FCHSD2: variants seen among roughly 807,000 people sequenced by gnomAD.
FCHSD2 encodes the protein FCH and double SH3 domains 2, also known as F-BAR and double SH3 domains protein 2.
A neutral mutation model predicts 108.1 loss-of-function variants in FCHSD2; 38 were observed. The observed-to-expected ratio is 0.35, with a 90% CI of 0.27 to 0.46. FCHSD2 has a LOEUF of 0.46. Ranked by LOEUF, FCHSD2 falls within the 20% of genes least tolerant of loss-of-function variation. The pLI, the probability that FCHSD2 is intolerant of heterozygous loss-of-function variation, is 1.00. For missense variants in FCHSD2, 751 were observed against 897.8 expected, an observed-to-expected ratio of 0.84 and a Z score of 2.09; for synonymous variants, 279 against 314.7, an observed-to-expected ratio of 0.89 and a Z score of 1.20.
chr11:72,958,617 T>C (rs955044939), intron 8 of FCHSD2, among the ~76,000 whole-genome samples: 4 of 152,204 alleles, frequency 2.6e-5, no homozygotes, highest in African/African-American at 9.7e-5. Flanking sequence ...TTCAATATTT[T>C]CCTATACTGA....
chr11:72,838,489 CTT>C lies in FCHSD2; in HGVS notation c.*300_*301del. 9.3e-6 allele frequency: 4 copies of C among 432,206 alleles called. No homozygotes were observed. Among genetic ancestry groups the C allele is most frequent in the Non-Finnish European group, 1.7e-5 (4 of 233,480 alleles). The allele number at this position is 432,206 out of a possible 1,614,324, so 26.8% of individuals were successfully genotyped here. ...ACTGTGCCCTGGAATGAGGCCTGTT[CTT>C]GAGTCTCATATAAAAACAGACCACT... On this transcript the variant is annotated 3_prime_UTR_variant, in exon 20 of 20. Transcript: ENST00000409418.
chr11:72,980,489 T>C lies in FCHSD2; in HGVS notation c.705+3599A>G, dbSNP rs1857191402. ...ATTATTTAAATAATGAGCTATGAAC[T>C]TTAACGAGGATAACAAAGAAAATGA... On this transcript the variant is annotated intron_variant, in intron 8 of 19. Transcript: ENST00000409418. Among the ~76,000 whole-genome samples the C allele has an allele frequency of 1.3e-5, 2 of 151,942 alleles. 1 individual carries two copies. The highest frequency in any genetic ancestry group is 4.2e-4 in the South Asian group (2 of 4,812).
chr11:72,969,809 TTAAG>T (rs1454973990), intron 8 of FCHSD2, among the ~76,000 whole-genome samples: 3 of 152,312 alleles, frequency 2.0e-5, no homozygotes, highest in Non-Finnish European at 4.4e-5. Context: ...ATTCTTAGGC[TTAAG>T]TGATTTATTG....
chr11:73,092,076 G>A (rs545160649), intron 2 of FCHSD2, among the ~76,000 whole-genome samples: 1 of 152,208 alleles, frequency 6.6e-6, no homozygotes, highest in South Asian at 2.1e-4. Flanking sequence ...TCTCATCTGA[G>A]AAGCCTTCCT....
chr11:73,013,701 A>T (rs933547332), intron 4 of FCHSD2, among the ~76,000 whole-genome samples: 16 of 152,218 alleles, frequency 1.1e-4, no homozygotes, highest in Admixed American at 9.8e-4. Context: ...TCTGCCACAT[A>T]GTAAATATTT....
chr11:73,028,667 G>A (rs925418720), intron 3 of FCHSD2, among the ~76,000 whole-genome samples: 15 of 152,170 alleles, frequency 9.9e-5, no homozygotes, highest in African/African-American at 3.6e-4. Flanking sequence ...GAATGATATG[G>A]TTTGGCTCTG....
rs145346308 is a variant in FCHSD2, at chr11:73,097,671, ATTTCTATTTT to A, written c.120-13941_120-13932del. 8.2e-4 allele frequency among the ~76,000 whole-genome samples: 115 copies of A among 140,468 alleles called. 4 individuals carry two copies. In the East Asian group the frequency reaches 0.024, roughly 29 times the overall value. 92.2% of individuals were successfully genotyped at this position (140,468 alleles called of 152,430 possible). A position where few individuals can be genotyped will look rare whatever the true frequency, so the allele number is the denominator to read the frequency against. ...TCAATCCCTTCACTTGTTATTGAGA[ATTTCTATTTT>A]TTTCTGTAATCAGTTTTAGTAATTT... On this transcript the variant is annotated intron_variant, in intron 2 of 19. Coordinates refer to ENST00000409418, the MANE Select transcript of FCHSD2 (RefSeq NM_014824.3).
intron 2 of FCHSD2, among the ~76,000 whole-genome samples, chr11:73,132,824 G>GGA (rs367632709): frequency 9.9e-5 from 11 of 110,952 alleles, no homozygotes; most frequent in Admixed American, 2.0e-4. Flanking sequence ...AACGGTAACA[G>GGA]AAAAAAAAAA....
At chr11:72,971,063 AC>A (rs1387019283) in intron 8 of FCHSD2, among the ~76,000 whole-genome samples, 5 of 151,712 alleles carry the variant, frequency 3.3e-5, no homozygotes, top group African/African-American at 4.8e-5. Context: ...ATCCCTACTG[AC>A]CCCCCTGCCC....
chr11:73,005,981 T>C (rs966302790), intron 4 of FCHSD2, among the ~76,000 whole-genome samples: 17 of 151,414 alleles, frequency 1.1e-4, no homozygotes, highest in African/African-American at 4.1e-4. Context: ...GATCACAGCT[T>C]ACTACAGCCT....
chr11:73,132,787 T>G (rs1861032360), intron 2 of FCHSD2, among the ~76,000 whole-genome samples: 1 of 139,450 alleles, frequency 7.2e-6, no homozygotes, highest in African/African-American at 2.7e-5. Flanking sequence ...CCATGCCCCC[T>G]GCACTCCAGT....
intron 4 of FCHSD2, among the ~76,000 whole-genome samples, chr11:73,006,636 G>GCA (rs1398667199): frequency 3.9e-5 from 6 of 152,206 alleles, no homozygotes; most frequent in Non-Finnish European, 7.3e-5. Flanking sequence ...CCTGTGCTCT[G>GCA]CACATTACAG....
At position 72,867,892 on chromosome 11, in the gene FCHSD2, T is replaced by C. The variant is rs373901992; in HGVS notation, c.1281A>G (p.Ala427=). ...LENERWARPP[A]VTSNGTLHSL... is the part of the protein sequence containing the mutation. ...AGTGTAAAGTGCCATTACTGGTCAC[T>C]GCAGGAGGGCGGGCCCATCGCTCAT... The change falls in exon 13 of 20, where the codon GCA becomes GCG. Residue 427 remains alanine, a synonymous_variant. Coordinates refer to ENST00000409418, the MANE Select transcript of FCHSD2 (RefSeq NM_014824.3). The C allele has an allele frequency of 4.0e-5, 65 of 1,612,836 alleles. No individual in the cohort carries two copies. The highest frequency in any genetic ancestry group is 5.0e-5 in the Non-Finnish European group (59 of 1,179,564).
chr11:72,867,892 T>G lies in FCHSD2; in HGVS notation c.1281A>C (p.Ala427=). Residue 427 remains alanine, a synonymous_variant, in exon 13 of 20, where the codon GCA becomes GCC. Coordinates refer to ENST00000409418, the MANE Select transcript of FCHSD2 (RefSeq NM_014824.3). The part of the protein sequence containing the change: ...LENERWARPP[A]VTSNGTLHSL... ...AGTGTAAAGTGCCATTACTGGTCAC[T>G]GCAGGAGGGCGGGCCCATCGCTCAT... 6.2e-7 allele frequency: 1 copy of G among 1,612,954 alleles called. No homozygotes were observed. The highest frequency in any genetic ancestry group is 8.5e-7 in the Non-Finnish European group (1 of 1,179,556).
chr11:73,040,893 C>A (rs1029194934), intron 3 of FCHSD2, among the ~76,000 whole-genome samples: 6 of 152,132 alleles, frequency 3.9e-5, no homozygotes, highest in Admixed American at 2.0e-4. Flanking sequence ...CTGCTCCCCC[C>A]CCTCTTTGGT....
At chr11:73,113,179 G>A (rs1860528219) in intron 2 of FCHSD2, among the ~76,000 whole-genome samples, 2 of 151,840 alleles carry the variant, frequency 1.3e-5, no homozygotes, top group South Asian at 4.2e-4. Context: ...CAATCTCTTT[G>A]CTAAGCTTAT....
intron 8 of FCHSD2, among the ~76,000 whole-genome samples, chr11:72,938,406 G>C (rs1856347228): frequency 6.6e-6 from 1 of 152,178 alleles, no homozygotes; most frequent in Non-Finnish European, 1.5e-5. Flanking sequence ...AACTTATAAA[G>C]TTTCAAAGAT....
intron 3 of FCHSD2, among the ~76,000 whole-genome samples, chr11:73,024,212 T>C (rs1325551747): frequency 2.0e-5 from 3 of 152,226 alleles, no homozygotes; most frequent in East Asian, 1.9e-4. Context: ...GAATGCAGAC[T>C]GTGACAAATC....
intron 3 of FCHSD2, among the ~76,000 whole-genome samples, chr11:73,017,912 A>G (rs927786048): frequency 2.6e-5 from 4 of 152,092 alleles, no homozygotes; most frequent in African/African-American, 9.7e-5. Context: ...TATTCTTTCT[A>G]TATTTATTAG....
Sources: allele counts gnomAD v4.1 joint callset (sites outside exome capture counted in the v4.1 genomes callset), GRCh38; gene constraint gnomAD v4.1.1; transcripts MANE v1.5; gene names NCBI Gene and HGNC (gene_info 2026-07-23, HGNC 2026-07-21).